INTU: variants seen among roughly 807,000 people sequenced by gnomAD.
The protein encoded by INTU is protein inturned.
Under a neutral mutation model 100.5 loss-of-function variants are expected in INTU, and 68 were observed. That is an observed-to-expected ratio of 0.68 (90% CI 0.56 to 0.83). INTU has a LOEUF of 0.83. INTU is among the 40% of genes least tolerant of loss of function. The pLI is 0.00. For synonymous variants in INTU, 357 were observed against 395.7 expected (o/e 0.90, Z 1.16); for missense variants, 1,071 against 1,114.7 (o/e 0.96, Z 0.56).
At chr4:127,652,328 C>A (rs1254290591) in intron 2 of INTU, among the ~76,000 whole-genome samples, 3 of 150,690 alleles carry the variant, frequency 2.0e-5, no homozygotes, top group Non-Finnish European at 2.9e-5. Context: ...CCAGTTTTTG[C>A]CCATTCAGTA....
rs764280609 is a variant in INTU at position 127,633,051 on chromosome 4, C to T, written c.17C>T (p.Ser6Leu). The T allele has an allele frequency of 3.7e-6, 6 of 1,613,326 alleles. No individual in the cohort carries two copies. Among genetic ancestry groups the T allele is most frequent in the Non-Finnish European group, 5.1e-6 (6 of 1,179,450 alleles). MASVA[S>L]CDSRPSSDEL... ...TTCCTGACGATGGCCTCTGTGGCTT[C>T]GTGCGATTCGCGTCCGAGCTCAGAC... is the stretch of plus-strand genomic sequence containing the variant. Residue 6 changes from serine (S) to leucine (L), a missense_variant, in exon 1 of 16, where the codon TCG (serine) becomes TTG (leucine). Transcript: ENST00000335251.
Position 127,663,362 on chromosome 4 carries a change from A to G in INTU, c.769-19A>G, listed in dbSNP as rs184818825. On this transcript the variant is annotated intron_variant, in intron 3 of 15. Coordinates refer to ENST00000335251, the MANE Select transcript of INTU (RefSeq NM_015693.4). Reference sequence around the variant, plus strand: ...TTTTCCCTTGTCGAAAAGTCAACACATTGTTTTAATTTTTAAAGGTGAAAC... The same window carrying G: ...TTTTCCCTTGTCGAAAAGTCAACACGTTGTTTTAATTTTTAAAGGTGAAAC... The G allele has an allele frequency of 1.3e-6, 2 of 1,597,006 alleles. No homozygotes were observed. The highest frequency in any genetic ancestry group is 1.7e-6 in the Non-Finnish European group (2 of 1,167,000).
intron 12 of INTU, among the ~76,000 whole-genome samples, chr4:127,707,392 C>CAAAAAAAAAAAAAAAAAAAAAAA (rs71587331): frequency 4.5e-5 from 2 of 44,584 alleles, no homozygotes; most frequent in African/African-American, 9.6e-5. Flanking sequence ...GACTCTGTCT[C>CAAAAAAAAAAAAAAAAAAAAAAA]AAAAAAAAAA....
chr4:127,697,293 C>G (rs1437142784), intron 8 of INTU, among the ~76,000 whole-genome samples: 1 of 152,084 alleles, frequency 6.6e-6, no homozygotes, highest in East Asian at 1.9e-4. Context: ...ATTTACTTCT[C>G]TCTTTCCTCT....
chr4:127,701,622 GA>G (rs1394646931), intron 9 of INTU, among the ~76,000 whole-genome samples: 2 of 152,080 alleles, frequency 1.3e-5, no homozygotes, highest in African/African-American at 4.8e-5. Flanking sequence ...GATTGGTTTT[GA>G]AATAATTCAG....
chr4:127,663,735 G>T, intron 4 of INTU, 151 bp downstream of exon 4: 2 of 602,840 alleles, frequency 3.3e-6, no homozygotes, highest in East Asian at 2.8e-5. Flanking sequence ...TTAAAATTGT[G>T]TATCTAATAC....
At chr4:127,697,552 T>A (rs1730448768) in intron 8 of INTU, among the ~76,000 whole-genome samples, 1 of 152,136 alleles carries the variant, frequency 6.6e-6, no homozygotes, top group African/African-American at 2.4e-5. Context: ...ATGAGTGAGA[T>A]CATGTGGTAG....
chr4:127,636,613 C>CA (rs770388771), intron 1 of INTU, among the ~76,000 whole-genome samples: 6,653 of 85,354 alleles, frequency 0.078, 334 homozygotes, highest in East Asian at 0.32. Context: ...CACACCATCT[C>CA]AAAAAAAAAA....
intron 4 of INTU, 46 bp from the exon 5 acceptor site, chr4:127,668,990 A>T: frequency 1.2e-6 from 1 of 850,482 alleles, no homozygotes; most frequent in Non-Finnish European, 1.9e-6. Flanking sequence ...TGACAAAGAT[A>T]ATGGTTGGAA....
chr4:127,711,639 T>C (rs1202774245), intron 14 of INTU, among the ~76,000 whole-genome samples: 1 of 152,108 alleles, frequency 6.6e-6, no homozygotes, highest in Non-Finnish European at 1.5e-5. Context: ...TCCTATCAAA[T>C]CAGCAGCACA....
chr4:127,704,218 T>A lies in INTU; in HGVS notation c.1504-10T>A. On this transcript the variant is annotated splice_polypyrimidine_tract_variant and intron_variant, in intron 9 of 15. Coordinates refer to ENST00000335251, the MANE Select transcript of INTU (RefSeq NM_015693.4). ...AAAAATATAAAATCCACTATGAATT[T>A]TTCCCCCAGTCCGAGGATTACTATG... The A allele has an allele frequency of 6.2e-7, 1 of 1,601,306 alleles. No individual in the cohort carries two copies. Among genetic ancestry groups the A allele is most frequent in the South Asian group, 1.1e-5 (1 of 87,846 alleles).
intron 8 of INTU, 21 bp from the exon 9 acceptor site, chr4:127,699,989 C>CT (rs377528224): frequency 0.027 from 34,131 of 1,252,610 alleles, no homozygotes; most frequent in Non-Finnish European, 0.03. Flanking sequence ...TTATGTTACT[C>CT]TTTTTTTTTT....
chr4:127,667,627 G>GTTAAA (rs1560846921), intron 4 of INTU, among the ~76,000 whole-genome samples: 4 of 151,862 alleles, frequency 2.6e-5, no homozygotes, highest in Admixed American at 2.6e-4. Context: ...AGTAGTGTAT[G>GTTAAA]GTATTTTGGC....
intron 14 of INTU, among the ~76,000 whole-genome samples, chr4:127,712,547 G>A (rs1187581871): frequency 1.3e-5 from 2 of 152,126 alleles, no homozygotes; most frequent in Non-Finnish European, 2.9e-5. Context: ...CTTCCTTCAC[G>A]AAGCCTATTT....
intron 3 of INTU, among the ~76,000 whole-genome samples, chr4:127,661,517 A>T (rs1171388097): frequency 6.6e-6 from 1 of 151,994 alleles, no homozygotes; most frequent in Non-Finnish European, 1.5e-5. Flanking sequence ...CTCCAGCTTC[A>T]TCTCTGTGAC....
At chr4:127,633,582 C>T (rs1051613862) in intron 1 of INTU, among the ~76,000 whole-genome samples, 2 of 151,776 alleles carry the variant, frequency 1.3e-5, no homozygotes, top group African/African-American at 4.8e-5. Context: ...GGAGAGACAC[C>T]CTACGCGTTT....
At chr4:127,714,765 G>A (rs1334014410) in intron 15 of INTU, among the ~76,000 whole-genome samples, 1 of 151,828 alleles carries the variant, frequency 6.6e-6, no homozygotes, top group Non-Finnish European at 1.5e-5. Context: ...TCAGCTTCAT[G>A]AGGTCAGGAA....
chr4:127,705,538 G>T, intron 10 of INTU, 53 bp from the exon 11 acceptor site: 1 of 1,293,138 alleles, frequency 7.7e-7, no homozygotes, highest in South Asian at 1.2e-5. Flanking sequence ...AATATTATGG[G>T]ACTATTGCTT....
rs955381280 is a variant in INTU, at chr4:127,707,079, G to C, written c.2271+110G>C. ...TGGCATACCATTCTTCATTTGACAT[G>C]GTGGTTATTTCAGTCACTGCTGGCA... On this transcript the variant is annotated intron_variant, in intron 12 of 15. Coordinates refer to ENST00000335251, the MANE Select transcript of INTU (RefSeq NM_015693.4). 92 of 1,264,724 alleles carry C rather than the reference G, an allele frequency of 7.3e-5. 1 individual carries two copies. The Admixed American group carries it at 1.5e-3, about 21-fold the overall frequency. 78.3% of individuals were successfully genotyped at this position (1,264,724 alleles called of 1,614,324 possible). A position where few individuals can be genotyped will look rare whatever the true frequency, so the allele number is the denominator to read the frequency against.
Sources: allele counts gnomAD v4.1 joint callset (sites outside exome capture counted in the v4.1 genomes callset), GRCh38; gene constraint gnomAD v4.1.1; transcripts MANE v1.5; gene names NCBI Gene and HGNC (gene_info 2026-07-23, HGNC 2026-07-21).